The following SMIM14 variants were observed in gnomAD, a reference collection of about 807,000 sequenced individuals.
SMIM14 encodes chromosome 4 open reading frame 34.
A neutral mutation model predicts 12.6 loss-of-function variants in SMIM14; 5 were observed. The ratio of observed to expected loss-of-function variants is 0.40; its 90% CI spans 0.21 to 0.83. The LOEUF (loss-of-function observed/expected upper bound fraction) is 0.83. Among genes scored for constraint, SMIM14 ranks in the 40% least tolerant of loss-of-function variants. The pLI, the probability that SMIM14 is intolerant of heterozygous loss-of-function variation, is 0.37. For missense variants in SMIM14, 86 were observed against 119.1 expected (o/e 0.72, Z 1.29); for synonymous variants, 30 against 40.1 (o/e 0.75, Z 0.95).
chr4:39,557,300 C>A (rs1393638950), intron 3 of SMIM14, among the ~76,000 whole-genome samples: 2 of 152,116 alleles, frequency 1.3e-5, no homozygotes, highest in Non-Finnish European at 2.9e-5. Context: ...GTGTGAGCCA[C>A]TGTGTCCTGC....
rs1711531531 is a variant in SMIM14 at position 39,548,810 on chromosome 4, A to G, written c.*3316T>C. ...TCATTAAGAACACTGGTTACTAAGTAAATAGATGGCTCATGTAGGAAAAAG... is the reference window on the plus strand; with the variant it reads ...TCATTAAGAACACTGGTTACTAAGTGAATAGATGGCTCATGTAGGAAAAAG... On this transcript the variant is annotated 3_prime_UTR_variant, in exon 5 of 5. Coordinates refer to ENST00000295958, the MANE Select transcript of SMIM14 (RefSeq NM_174921.3). 6.6e-6 allele frequency: 1 copy of G among 152,260 alleles called. No homozygotes were observed. Among genetic ancestry groups the G allele is most frequent in the African/African-American group, 2.4e-5 (1 of 41,478 alleles). The allele number at this position is 152,260 out of a possible 1,614,324, so 9.4% of individuals were successfully genotyped here. A position where few individuals can be genotyped will look rare whatever the true frequency, so the allele number is the denominator to read the frequency against.
intron 1 of SMIM14, among the ~76,000 whole-genome samples, chr4:39,617,287 G>T (rs1715261596): frequency 6.6e-6 from 1 of 152,144 alleles, no homozygotes; most frequent in Non-Finnish European, 1.5e-5. Context: ...TTTGAAAGAT[G>T]ACCTAAGTGG....
At chr4:39,597,106 T>A (rs557660602) in intron 2 of SMIM14, among the ~76,000 whole-genome samples, 1 of 136,330 alleles carries the variant, frequency 7.3e-6, no homozygotes, top group African/African-American at 2.5e-5. Context: ...TTTTTTTTTT[T>A]AGCCTACTTC....
intron 1 of SMIM14, among the ~76,000 whole-genome samples, chr4:39,608,127 A>T (rs1714882468): frequency 6.6e-6 from 1 of 152,230 alleles, no homozygotes; most frequent in Admixed American, 6.5e-5. Context: ...AACACAGATT[A>T]TCATAAGACT....
chr4:39,572,893 G>A (rs10010534), intron 2 of SMIM14, among the ~76,000 whole-genome samples: 2,367 of 151,838 alleles, frequency 0.016, 52 homozygotes, highest in African/African-American at 0.054. Flanking sequence ...CTGGAGTGCA[G>A]GGGTGCAATC....
Position 39,610,696 on chromosome 4 carries a change from TA to T in SMIM14, c.-35-5517del, listed in dbSNP as rs368297350. On this transcript the variant is annotated intron_variant, in intron 1 of 4. Transcript: ENST00000295958. Reference sequence around the variant, plus strand: ...AGTGACAGAACTAGACCTGGTCTCTTAAAAAAAAAAAAAAAACTGAAAGAAC... The same window carrying T: ...AGTGACAGAACTAGACCTGGTCTCTTAAAAAAAAAAAAAAACTGAAAGAAC... Among the ~76,000 whole-genome samples, 235 of 133,672 alleles carry T rather than the reference TA, an allele frequency of 1.8e-3. No homozygotes were observed. The Middle Eastern group carries it at 0.019, about 11-fold the overall frequency. 87.7% of individuals were successfully genotyped at this position (133,672 alleles called of 152,430 possible). A position where few individuals can be genotyped will look rare whatever the true frequency, so the allele number is the denominator to read the frequency against.
At chr4:39,570,258 T>C (rs1052955959) in intron 3 of SMIM14, among the ~76,000 whole-genome samples, 2 of 152,124 alleles carry the variant, frequency 1.3e-5, no homozygotes, top group Non-Finnish European at 2.9e-5. Flanking sequence ...CCTCCTGGGT[T>C]CAAGTGATTC....
chr4:39,547,339 A>G lies in SMIM14; in HGVS notation c.*4787T>C, dbSNP rs943488996. 1 of 152,246 alleles carries G rather than the reference A, an allele frequency of 6.6e-6. No homozygotes were observed. The highest frequency in any genetic ancestry group is 2.4e-5 in the African/African-American group (1 of 41,478). The allele number at this position is 152,246 out of a possible 1,614,324, so 9.4% of individuals were successfully genotyped here. Reference sequence around the variant, plus strand: ...ATTTATTCATTAATAAAAAGTGCATAGTACAAGCCCTTTATCCCAATCCAA... The same window carrying G: ...ATTTATTCATTAATAAAAAGTGCATGGTACAAGCCCTTTATCCCAATCCAA... On this transcript the variant is annotated 3_prime_UTR_variant, in exon 5 of 5. Transcript: ENST00000295958.
chr4:39,553,481 G>A (rs550315194), intron 4 of SMIM14, among the ~76,000 whole-genome samples: 14 of 152,022 alleles, frequency 9.2e-5, no homozygotes, highest in Non-Finnish European at 1.8e-4. Flanking sequence ...AAGAAAGAAG[G>A]CTAAGGAATA....
chr4:39,568,069 G>A (rs929745344), intron 3 of SMIM14, among the ~76,000 whole-genome samples: 1 of 152,080 alleles, frequency 6.6e-6, no homozygotes, highest in Non-Finnish European at 1.5e-5. Flanking sequence ...CTTGAGGTCA[G>A]GAGTTTGAGA....
chr4:39,618,139 T>C (rs534947630), intron 1 of SMIM14, among the ~76,000 whole-genome samples: 1 of 152,230 alleles, frequency 6.6e-6, no homozygotes, highest in East Asian at 1.9e-4. Flanking sequence ...AAACTATCAG[T>C]GACATCTACT....
At chr4:39,554,182 A>C (rs1711881884) in intron 4 of SMIM14, among the ~76,000 whole-genome samples, 1 of 152,158 alleles carries the variant, frequency 6.6e-6, no homozygotes, top group African/African-American at 2.4e-5. Flanking sequence ...TTGGTATACA[A>C]GTGAATCTGG....
At chr4:39,627,602 G>T (rs1291504158) in intron 1 of SMIM14, among the ~76,000 whole-genome samples, 2 of 152,132 alleles carry the variant, frequency 1.3e-5, no homozygotes, top group Admixed American at 6.6e-5. Flanking sequence ...TAAAACTTGG[G>T]GTCAGTTGAA....
chr4:39,587,450 C>G (rs1456462210), intron 2 of SMIM14, among the ~76,000 whole-genome samples: 1 of 133,452 alleles, frequency 7.5e-6, no homozygotes, highest in Admixed American at 9.1e-5. Flanking sequence ...GAGCCAAGAT[C>G]GCGCCACTGC....
chr4:39,567,327 G>A (rs1042721225), intron 3 of SMIM14, among the ~76,000 whole-genome samples: 5 of 152,224 alleles, frequency 3.3e-5, no homozygotes, highest in African/African-American at 9.6e-5. Context: ...AAATGGGCCA[G>A]GTGTGGCAGC....
intron 1 of SMIM14, among the ~76,000 whole-genome samples, chr4:39,611,087 G>T (rs1715013995): frequency 6.6e-6 from 1 of 152,170 alleles, no homozygotes; most frequent in Non-Finnish European, 1.5e-5. Context: ...AAATCAGTAT[G>T]AAAATGGCAA....
rs539792739 is a variant in SMIM14, at chr4:39,624,816, GA to G, written c.-36+13922del. Among the ~76,000 whole-genome samples, 650 of 110,268 alleles carry G rather than the reference GA, an allele frequency of 5.9e-3. 7 individuals are homozygous for G. Among genetic ancestry groups the G allele is most frequent in the African/African-American group, 0.021 (595 of 27,686 alleles). 72.3% of individuals were successfully genotyped at this position (110,268 alleles called of 152,430 possible). A position where few individuals can be genotyped will look rare whatever the true frequency, so the allele number is the denominator to read the frequency against. ...GGACAACAGAGCAAGACACCATCTC[GA>G]AAAAAAAAAAAAAAAAACTTCCTAT... On this transcript the variant is annotated intron_variant, in intron 1 of 4. Transcript: ENST00000295958.
intron 2 of SMIM14, among the ~76,000 whole-genome samples, chr4:39,590,734 G>A (rs892901370): frequency 1.3e-5 from 2 of 151,096 alleles, no homozygotes; most frequent in Admixed American, 6.6e-5. Context: ...CCCAGGAGGC[G>A]TAGGTTGCTG....
Position 39,591,861 on chromosome 4 carries a change from C to T in SMIM14, c.75+13210G>A, listed in dbSNP as rs150536925. Among the ~76,000 whole-genome samples, 29 of 152,280 alleles carry T rather than the reference C, an allele frequency of 1.9e-4. No individual in the cohort carries two copies. In the East Asian group the frequency reaches 2.5e-3, roughly 13 times the overall value. On this transcript the variant is annotated intron_variant, in intron 2 of 4. Transcript: ENST00000295958. ...GATTACAGGCGTAAGCCACCCCACC[C>T]GGCCCTATAATGTGTACTTTAAAAT...
Sources: gnomAD v4.1 joint callset for allele counts (sites outside exome capture counted in the v4.1 genomes callset) on GRCh38, gnomAD v4.1.1 for gene constraint, MANE v1.5 for transcripts, NCBI Gene and HGNC (gene_info 2026-07-23, HGNC 2026-07-21) for gene names.